POLK: variants seen among roughly 807,000 people sequenced by gnomAD.
POLK encodes the protein DNA polymerase kappa.
Under a neutral mutation model 94.0 loss-of-function variants are expected in POLK, and 76 were observed. The ratio of observed to expected loss-of-function variants is 0.81; its 90% CI spans 0.67 to 0.98. The LOEUF (loss-of-function observed/expected upper bound fraction) is 0.98, where lower values mean the gene tolerates loss of function less well. Among genes scored for constraint, POLK ranks in the 50% least tolerant of loss-of-function variants. POLK has a pLI of 0.00. For synonymous variants in POLK, 349 were observed against 325.4 expected (o/e 1.07, Z -0.78); for missense variants, 954 against 1,010.1 (o/e 0.94, Z 0.75).
chr5:75,524,336 G>A (rs1768731482), intron 1 of POLK, among the ~76,000 whole-genome samples: 1 of 152,084 alleles, frequency 6.6e-6, no homozygotes, highest in Non-Finnish European at 1.5e-5. Context: ...TGGGTTGAAT[G>A]ACTGTCTTAA....
In POLK at chr5:75,575,452, A is replaced by G. The variant is rs186459543; in HGVS notation, c.541-1328A>G. On this transcript the variant is annotated intron_variant, in intron 5 of 14. Transcript: ENST00000241436. Reference sequence around the variant, plus strand: ...TGCCCAGGCCTCCCAAAGTGCTGGGATTACAGGCATGAGCCATCATGCCCA... The same window carrying G: ...TGCCCAGGCCTCCCAAAGTGCTGGGGTTACAGGCATGAGCCATCATGCCCA... Among the ~76,000 whole-genome samples, 4 of 152,292 alleles carry G rather than the reference A, an allele frequency of 2.6e-5. No homozygotes were observed. In the East Asian group the frequency reaches 7.7e-4, roughly 29 times the overall value.
intron 3 of POLK, among the ~76,000 whole-genome samples, chr5:75,557,211 C>T (rs1330804230): frequency 1.3e-5 from 2 of 152,122 alleles, no homozygotes; most frequent in African/African-American, 4.8e-5. Flanking sequence ...TTGCCAATAC[C>T]ACACTCTCTT....
intron 5 of POLK, 22 bp from the exon 6 acceptor site, chr5:75,576,758 C>CT (rs751779033): frequency 5.5e-5 from 77 of 1,410,394 alleles, no homozygotes; most frequent in South Asian, 1.5e-4. Flanking sequence ...AAAATTTAAA[C>CT]TTTTTTTTGT....
chr5:75,547,049 C>T, exon 2 of POLK: 1 of 1,530,936 alleles, frequency 6.5e-7, no homozygotes, highest in Non-Finnish European at 8.9e-7. Flanking sequence ...AGAAGTGTGA[C>T]AGTTACAAAG....
chr5:75,583,311 T>C lies in POLK; in HGVS notation c.953T>C (p.Met318Thr), dbSNP rs371176562. The C allele has an allele frequency of 2.9e-5, 46 of 1,602,600 alleles. No homozygotes were observed. Among genetic ancestry groups the C allele is most frequent in the Non-Finnish European group, 3.6e-5 (42 of 1,173,796 alleles). The stretch of plus-strand genomic sequence containing the variant: ...TTTTAAGGCATTGCCCCAAATACAA[T>C]GTTAGCAAAAGTATGCAGTGATAAG... The change falls in exon 8 of 15, where the codon ATG (methionine) becomes ACG (threonine). Residue 318 changes from methionine to threonine, a missense_variant. By Grantham distance (81) the Met-to-Thr change is moderately conservative. Transcript: ENST00000241436.
chr5:75,590,386 A>G (rs777698596), exon 11 of POLK: 24 of 1,610,534 alleles, frequency 1.5e-5, no homozygotes, highest in Non-Finnish European at 2.0e-5. Flanking sequence ...AATACAGCCT[A>G]TGTCAAGAAC....
downstream of POLK, among the ~76,000 whole-genome samples, chr5:75,602,795 T>C (rs1773324062): frequency 6.6e-6 from 1 of 152,234 alleles, no homozygotes; most frequent in African/African-American, 2.4e-5. Flanking sequence ...CTTTACATTG[T>C]CCCTGTAATA....
rs551188076 is a variant in POLK, at chr5:75,595,095, A to G, written c.1528+1046A>G. On this transcript the variant is annotated intron_variant, in intron 12 of 14. Coordinates refer to ENST00000241436, the Ensembl canonical transcript of POLK. ...GTGAAACTGCATCTCTACAAAAACT[A>G]CAAAAAATTAGCTGGACATGGTGGC... Among the ~76,000 whole-genome samples the G allele has an allele frequency of 1.2e-4, 18 of 152,082 alleles. No individual in the cohort carries two copies. The South Asian group carries it at 3.3e-3, about 28-fold the overall frequency.
chr5:75,572,577 A>T (rs188851451), intron 4 of POLK, among the ~76,000 whole-genome samples: 95 of 152,290 alleles, frequency 6.2e-4, no homozygotes, highest in African/African-American at 2.2e-3. Flanking sequence ...CTATCATCCA[A>T]ATTTTGATAT....
exon 7 of POLK, chr5:75,581,236 T>C (rs775611156): frequency 6.2e-7 from 1 of 1,605,284 alleles, no homozygotes; most frequent in South Asian, 1.1e-5. Context: ...GTTAATAAAC[T>C]GAGTGAGCAT....
At chr5:75,527,784 G>C (rs888544593) in intron 1 of POLK, among the ~76,000 whole-genome samples, 1 of 152,112 alleles carries the variant, frequency 6.6e-6, no homozygotes, top group Non-Finnish European at 1.5e-5. Context: ...ACTTGTTAAA[G>C]AATTCCATGT....
At chr5:75,539,600 A>G (rs1049791028) in intron 1 of POLK, among the ~76,000 whole-genome samples, 2 of 151,960 alleles carry the variant, frequency 1.3e-5, no homozygotes, top group African/African-American at 4.8e-5. Flanking sequence ...GGCTTCAGAG[A>G]TACTCCCACT....
chr5:75,558,732 G>A (rs1359570927), intron 3 of POLK, among the ~76,000 whole-genome samples: 3 of 151,990 alleles, frequency 2.0e-5, no homozygotes, highest in Non-Finnish European at 4.4e-5. Context: ...AAAAAAATCA[G>A]TTCTATCCAC....
exon 15 of POLK, chr5:75,598,473 G>A (rs1773202276): frequency 6.6e-6 from 1 of 152,594 alleles, no homozygotes; most frequent in Non-Finnish European, 1.5e-5. Flanking sequence ...TCTATGAAGA[G>A]TATTAATGTA....
chr5:75,514,769 G>A (rs1281384381), intron 1 of POLK, among the ~76,000 whole-genome samples: 1 of 152,044 alleles, frequency 6.6e-6, no homozygotes, highest in Non-Finnish European at 1.5e-5. Context: ...GGGTGCTGAG[G>A]TGGCAGGCTA....
At chr5:75,529,435 G>A (rs1017652311) in intron 1 of POLK, among the ~76,000 whole-genome samples, 1 of 151,930 alleles carries the variant, frequency 6.6e-6, no homozygotes, top group East Asian at 1.9e-4. Context: ...TCCAACATTG[G>A]GGATCACATT....
chr5:75,527,835 A>C (rs375367967), intron 1 of POLK, among the ~76,000 whole-genome samples: 2 of 152,292 alleles, frequency 1.3e-5, no homozygotes, highest in South Asian at 2.1e-4. Flanking sequence ...CCAGTGCCTA[A>C]AAATTTATAG....
intron 7 of POLK, 69 bp downstream of exon 7, chr5:75,581,517 AG>A: frequency 7.7e-7 from 1 of 1,297,592 alleles, no homozygotes; most frequent in Non-Finnish European, 1.1e-6. Flanking sequence ...GTGTAATATT[AG>A]TAGTTTCTCA....
At chr5:75,571,560 G>A (rs1249701454) in intron 4 of POLK, among the ~76,000 whole-genome samples, 1 of 152,166 alleles carries the variant, frequency 6.6e-6, no homozygotes, top group African/African-American at 2.4e-5. Context: ...TTCATTCATA[G>A]GTCTGGCACT....
Sources: allele counts gnomAD v4.1 joint callset (sites outside exome capture counted in the v4.1 genomes callset), GRCh38; gene constraint gnomAD v4.1.1; transcripts MANE v1.5; gene names NCBI Gene and HGNC (gene_info 2026-07-23, HGNC 2026-07-21).